The following ARHGAP35 variants were observed in gnomAD, a reference collection of about 807,000 sequenced individuals.
ARHGAP35 encodes the protein rho GTPase-activating protein 35.
ARHGAP35 carries 15 observed loss-of-function variants against 111.1 expected under a neutral mutation model. The observed-to-expected ratio is 0.13, with a 90% CI of 0.09 to 0.21. The LOEUF is 0.21. Among genes scored for constraint, ARHGAP35 ranks in the 10% least tolerant of loss-of-function variants. The pLI is 1.00. For synonymous variants in ARHGAP35, 643 were observed against 710.3 expected (o/e 0.91, Z 1.51); for missense variants, 1,262 against 1,873.0 (o/e 0.67, Z 6.02).
intron 2 of ARHGAP35, among the ~76,000 whole-genome samples, chr19:46,924,244 C>T (rs555150274): frequency 1.3e-5 from 2 of 152,290 alleles, no homozygotes; most frequent in African/African-American, 4.8e-5. Flanking sequence ...GCTGACAATC[C>T]TGACAACTCT....
chr19:46,973,407 C>T lies in ARHGAP35; in HGVS notation c.3827-14582C>T, dbSNP rs538505851. 8.0e-5 allele frequency among the ~76,000 whole-genome samples: 12 copies of T among 149,418 alleles called. No homozygotes were observed. In the South Asian group the frequency reaches 1.7e-3, roughly 21 times the overall value. On this transcript the variant is annotated intron_variant, in intron 3 of 6. Coordinates refer to ENST00000672722, the MANE Select transcript of ARHGAP35 (RefSeq NM_004491.5). ...AAATTAAAATGAAAAATTGGCCGGG[C>T]GCAGTGGCTCACGCCTGTAATCCCT... is the stretch of plus-strand genomic sequence containing the variant.
At chr19:46,968,834 C>T (rs1324077934) in intron 3 of ARHGAP35, among the ~76,000 whole-genome samples, 2 of 152,252 alleles carry the variant, frequency 1.3e-5, no homozygotes, top group Non-Finnish European at 2.9e-5. Context: ...CACCTGTAAT[C>T]CCAGCACTTT....
At chr19:46,937,548 C>A in intron 3 of ARHGAP35, 140 bp downstream of exon 3, 2 of 939,622 alleles carry the variant, frequency 2.1e-6, no homozygotes, top group Non-Finnish European at 3.2e-6. Context: ...GCAGTCCCAA[C>A]AGTTGTCAGA....
intron 3 of ARHGAP35, among the ~76,000 whole-genome samples, chr19:46,943,039 A>AT (rs79252272): frequency 1.9e-3 from 270 of 141,216 alleles, no homozygotes; most frequent in East Asian, 3.9e-3. Flanking sequence ...TAATAATGTG[A>AT]TTTTTTTTTT....
Position 47,000,885 on chromosome 19 carries a change from A to C in ARHGAP35, c.*197A>C. 1 of 1,534,186 alleles carries C rather than the reference A, an allele frequency of 6.5e-7. No homozygotes were observed. The highest frequency in any genetic ancestry group is 8.7e-7 in the Non-Finnish European group (1 of 1,146,084). ...CCAGGTACCCTGGGCCTGGCGCTGC[A>C]GACCTGAGCTGGCTTGGACCCATTT... On this transcript the variant is annotated 3_prime_UTR_variant, in exon 7 of 7. Transcript: ENST00000672722. This position sits in a 1 kb window ranked among gnomAD's most constrained non-coding sequence, Gnocchi z 6.9.
intron 1 of ARHGAP35, among the ~76,000 whole-genome samples, chr19:46,897,462 T>C (rs536558621): frequency 5.7e-4 from 86 of 151,202 alleles, no homozygotes; most frequent in African/African-American, 2.0e-3. Flanking sequence ...TTTTTTTTTT[T>C]ACGACCTCCA....
intron 3 of ARHGAP35, among the ~76,000 whole-genome samples, chr19:46,981,597 C>T (rs2122321302): frequency 6.6e-6 from 1 of 152,272 alleles, no homozygotes. Flanking sequence ...ATCAGGATAC[C>T]AGGAAAGGAG....
chr19:46,970,373 G>C (rs574943951), intron 3 of ARHGAP35, among the ~76,000 whole-genome samples: 1 of 151,866 alleles, frequency 6.6e-6, no homozygotes, highest in Non-Finnish European at 1.5e-5. Context: ...ATGTGGGGGA[G>C]AGCAAACTCA....
chr19:46,863,783 G>A (rs2055841640), intron 1 of ARHGAP35, among the ~76,000 whole-genome samples: 1 of 152,190 alleles, frequency 6.6e-6, no homozygotes, highest in Non-Finnish European at 1.5e-5. Flanking sequence ...ACCTAGGGAA[G>A]CTACAGTATT....
chr19:46,917,810 T>G (rs1397212907), intron 1 of ARHGAP35, among the ~76,000 whole-genome samples: 1 of 151,890 alleles, frequency 6.6e-6, no homozygotes, highest in Non-Finnish European at 1.5e-5. Context: ...GCCTCCCAGG[T>G]TCAAATGATT....
Position 46,919,732 on chromosome 19 carries a change from C to A in ARHGAP35, c.1057C>A (p.Pro353Thr). 1 of 1,613,960 alleles carries A rather than the reference C, an allele frequency of 6.2e-7. No homozygotes were observed. Among genetic ancestry groups the A allele is most frequent in the Non-Finnish European group, 8.5e-7 (1 of 1,179,888 alleles). ...GCCATTAGCTTTTGAAGCTCTTATACCTAATCTAGATGAAATAGACCACCT... is the reference window on the plus strand; with the variant it reads ...GCCATTAGCTTTTGAAGCTCTTATAACTAATCTAGATGAAATAGACCACCT... Reference protein sequence around the residue: ...ALPLAFEALIPNLDEIDHLSC... With the variant: ...ALPLAFEALITNLDEIDHLSC... The change falls in exon 2 of 7, where the codon CCT (proline) becomes ACT (threonine). Residue 353 changes from proline to threonine, a missense_variant. Physicochemically the swap from Pro to Thr is conservative, Grantham distance 38. Transcript: ENST00000672722. This position sits in a 1 kb window ranked among gnomAD's most constrained non-coding sequence, Gnocchi z 6.2.
Position 46,986,480 on chromosome 19 carries a change from AC to A in ARHGAP35, c.3827-1508del, listed in dbSNP as rs1382774791. Among the ~76,000 whole-genome samples the A allele has an allele frequency of 6.6e-6, 1 of 152,258 alleles. No individual in the cohort carries two copies. The highest frequency in any genetic ancestry group is 2.4e-5 in the African/African-American group (1 of 41,472). ...ATAAAAAGAACTAGAAGGAAAAAAA[AC>A]AATAGCTGATACAGGAATAGGAAAA... On this transcript the variant is annotated intron_variant, in intron 3 of 6. Coordinates refer to ENST00000672722, the MANE Select transcript of ARHGAP35 (RefSeq NM_004491.5). The surrounding 1 kb of genome is among the most constrained non-coding windows in gnomAD (Gnocchi z 4.3).
chr19:46,987,850 G>C, intron 3 of ARHGAP35, 139 bp from the exon 4 acceptor site: 1 of 674,260 alleles, frequency 1.5e-6, no homozygotes, highest in Non-Finnish European at 2.5e-6. Flanking sequence ...AATCAAACGA[G>C]AGTGTGCTGA....
At position 46,989,503 on chromosome 19, in the gene ARHGAP35, G is replaced by T; in HGVS notation, c.3905-41G>T. 6.2e-7 allele frequency: 1 copy of T among 1,611,592 alleles called. No individual in the cohort carries two copies. Among genetic ancestry groups the T allele is most frequent in the Admixed American group, 1.7e-5 (1 of 59,946 alleles). ...CGAGTTGTCCTGATGCTTCTGCCTGGCTTAGAATGGTTTGGCCTCACTCTC... is the reference window on the plus strand; with the variant it reads ...CGAGTTGTCCTGATGCTTCTGCCTGTCTTAGAATGGTTTGGCCTCACTCTC... On this transcript the variant is annotated intron_variant, in intron 4 of 6. Transcript: ENST00000672722. This position sits in a 1 kb window ranked among gnomAD's most constrained non-coding sequence, Gnocchi z 5.3.
chr19:46,888,333 T>TAC (rs72465629), intron 1 of ARHGAP35, among the ~76,000 whole-genome samples: 2,421 of 67,374 alleles, frequency 0.036, 131 homozygotes, highest in African/African-American at 0.071. Flanking sequence ...ATTGATTTTA[T>TAC]ACACACACAC....
chr19:46,906,174 A>T (rs959080005), intron 1 of ARHGAP35, among the ~76,000 whole-genome samples: 4 of 151,900 alleles, frequency 2.6e-5, no homozygotes, highest in East Asian at 3.9e-4. Context: ...AATTAAAAAA[A>T]TTAGGCGGGC....
At chr19:46,982,435 C>A (rs1219971519) in intron 3 of ARHGAP35, among the ~76,000 whole-genome samples, 2 of 151,636 alleles carry the variant, frequency 1.3e-5, no homozygotes, top group Non-Finnish European at 2.9e-5. Context: ...CGAGATTGAG[C>A]CACTGCACTC....
chr19:46,939,584 T>G (rs2056332974), intron 3 of ARHGAP35, among the ~76,000 whole-genome samples: 1 of 151,828 alleles, frequency 6.6e-6, no homozygotes, highest in African/African-American at 2.4e-5. Context: ...TAATTTTTTT[T>G]GTATTTTTAG....
At chr19:46,873,682 A>G (rs2055900317) in intron 1 of ARHGAP35, among the ~76,000 whole-genome samples, 1 of 151,754 alleles carries the variant, frequency 6.6e-6, no homozygotes, top group African/African-American at 2.4e-5. Flanking sequence ...TGGCTATAAA[A>G]TTAGTGATGT....
Sources: allele counts gnomAD v4.1 joint callset (sites outside exome capture counted in the v4.1 genomes callset), GRCh38; gene constraint gnomAD v4.1.1; non-coding constraint Gnocchi (gnomAD v3.1); transcripts MANE v1.5; gene names NCBI Gene and HGNC (gene_info 2026-07-23, HGNC 2026-07-21).